Variants in YIPF5 observed in about 807,000 individuals in gnomAD.
The protein encoded by YIPF5 is protein YIPF5.
In YIPF5, 8 loss-of-function variants were observed where a neutral mutation model predicts 30.4. The ratio of observed to expected loss-of-function variants is 0.26; its 90% CI spans 0.15 to 0.47. The LOEUF (loss-of-function observed/expected upper bound fraction) is 0.47, where lower values mean the gene tolerates loss of function less well. Among genes scored for constraint, YIPF5 ranks in the 20% least tolerant of loss-of-function variants. YIPF5 has a pLI of 0.99. For missense variants in YIPF5, 282 were observed against 301.8 expected, an observed-to-expected ratio of 0.93 and a Z score of 0.49; for synonymous variants, 104 against 107.9, an observed-to-expected ratio of 0.96 and a Z score of 0.23.
chr5:144,164,299 G>A (rs755954617), intron 3 of YIPF5, 43 bp from the exon 4 acceptor site: 6 of 1,549,766 alleles, frequency 3.9e-6, no homozygotes, highest in Middle Eastern at 1.7e-4. Context: ...GATTTGTGAT[G>A]TATTTTTAAT....
intron 2 of YIPF5, among the ~76,000 whole-genome samples, chr5:144,166,284 G>A (rs1752201272): frequency 6.6e-6 from 1 of 152,146 alleles, no homozygotes; most frequent in African/African-American, 2.4e-5. Flanking sequence ...CATTTGATAT[G>A]TGCTATAGCA....
intron 5 of YIPF5, among the ~76,000 whole-genome samples, chr5:144,161,400 A>C (rs898166184): frequency 7.2e-6 from 1 of 137,968 alleles, no homozygotes; most frequent in African/African-American, 2.7e-5. Flanking sequence ...TGAAGTATGC[A>C]ACAGGGCGAT....
intron 3 of YIPF5, 94 bp from the exon 4 acceptor site, chr5:144,164,350 G>A (rs1034308740): frequency 1.8e-6 from 2 of 1,138,704 alleles, no homozygotes; most frequent in Admixed American, 2.6e-5. Context: ...AAATGACATA[G>A]CATCAAAAAA....
chr5:144,164,368 G>T, intron 3 of YIPF5, 112 bp from the exon 4 acceptor site: 1 of 900,896 alleles, frequency 1.1e-6, no homozygotes, highest in Non-Finnish European at 1.7e-6. Flanking sequence ...AAAGGATCTA[G>T]CAATATTGGA....
rs4623178 is a variant in YIPF5 at position 144,158,340 on chromosome 5, G to A, written c.*2057C>T. ...CAACAGTTAAGCATAAAATAGCTTT[G>A]CACCTTATTATTTTGGAGCAAAATA... is the stretch of plus-strand genomic sequence containing the variant. On this transcript the variant is annotated 3_prime_UTR_variant, in exon 6 of 6. Coordinates refer to ENST00000274496, the MANE Select transcript of YIPF5 (RefSeq NM_030799.9). 0.034 allele frequency: 31,144 copies of A among 922,648 alleles called. 705 individuals carry two copies. Among genetic ancestry groups the A allele is most frequent in the African/African-American group, 0.1 (5,576 of 55,832 alleles). 57.2% of individuals were successfully genotyped at this position (922,648 alleles called of 1,614,324 possible). A position where few individuals can be genotyped will look rare whatever the true frequency, so the allele number is the denominator to read the frequency against.
At chr5:144,163,971 A>AT in intron 4 of YIPF5, 140 bp downstream of exon 4, 1 of 910,650 alleles carries the variant, frequency 1.1e-6, no homozygotes, top group African/African-American at 1.7e-5. Context: ...ATAGGTATAA[A>AT]TACAAGCAAC....
chr5:144,161,636 G>A (rs993459918), intron 5 of YIPF5, among the ~76,000 whole-genome samples: 10 of 152,100 alleles, frequency 6.6e-5, no homozygotes, highest in African/African-American at 1.4e-4. Context: ...GTGAGCAACC[G>A]TGCCTGGCCA....
intron 2 of YIPF5, among the ~76,000 whole-genome samples, 185 bp from the exon 3 acceptor site, chr5:144,165,789 C>G (rs190279851): frequency 6.6e-6 from 1 of 152,050 alleles, no homozygotes; most frequent in East Asian, 1.9e-4. Flanking sequence ...TTATTATCTA[C>G]AATAAAAAAA....
rs1220292048 is a variant in YIPF5 at position 144,159,009 on chromosome 5, A to C, written c.*1388T>G. 1.0e-6 allele frequency: 1 copy of C among 985,006 alleles called. No individual in the cohort carries two copies. The highest frequency in any genetic ancestry group is 1.7e-5 in the African/African-American group (1 of 57,202). The allele number at this position is 985,006 out of a possible 1,614,324, so 61.0% of individuals were successfully genotyped here. On this transcript the variant is annotated 3_prime_UTR_variant, in exon 6 of 6. Coordinates refer to ENST00000274496, the MANE Select transcript of YIPF5 (RefSeq NM_030799.9). ...CCAGAATCAGAGACAGTTTTTCTAG[A>C]AAAAGCCAATGATCAGTATACAAGA...
intron 4 of YIPF5, among the ~76,000 whole-genome samples, chr5:144,163,352 T>C (rs530840663): frequency 6.6e-5 from 10 of 152,284 alleles, no homozygotes; most frequent in African/African-American, 2.4e-4. Context: ...CATGTAGTAA[T>C]AAAAAAACTC....
chr5:144,165,055 G>C (rs1007573692), intron 3 of YIPF5, among the ~76,000 whole-genome samples: 9 of 151,984 alleles, frequency 5.9e-5, no homozygotes, highest in African/African-American at 2.2e-4. Flanking sequence ...CTAGGTTTTG[G>C]AACACAATTT....
chr5:144,158,464 T>C lies in YIPF5; in HGVS notation c.*1933A>G, dbSNP rs913434171. 5.8e-5 allele frequency: 74 copies of C among 1,273,214 alleles called. No homozygotes were observed. The highest frequency in any genetic ancestry group is 7.2e-5 in the Non-Finnish European group (71 of 983,780). 78.9% of individuals were successfully genotyped at this position (1,273,214 alleles called of 1,614,324 possible). ...AAAAAAGAAAATAATTTGATCCATA[T>C]GTGATATTTGGCTGAAGATTAACAG... On this transcript the variant is annotated 3_prime_UTR_variant, in exon 6 of 6. Transcript: ENST00000274496.
chr5:144,162,195 C>G (rs1027836888), intron 5 of YIPF5, 23 bp downstream of exon 5: 2 of 1,605,476 alleles, frequency 1.2e-6, no homozygotes, highest in African/African-American at 2.7e-5. Context: ...CAATCAACCC[C>G]CAAAATAAAG....
chr5:144,159,375 G>A lies in YIPF5; in HGVS notation c.*1022C>T. The A allele has an allele frequency of 1.0e-6, 1 of 984,716 alleles. No individual in the cohort carries two copies. Among genetic ancestry groups the A allele is most frequent in the Non-Finnish European group, 1.2e-6 (1 of 829,368 alleles). The allele number at this position is 984,716 out of a possible 1,614,324, so 61.0% of individuals were successfully genotyped here. On this transcript the variant is annotated 3_prime_UTR_variant, in exon 6 of 6. Coordinates refer to ENST00000274496, the MANE Select transcript of YIPF5 (RefSeq NM_030799.9). Reference sequence around the variant, plus strand: ...AATATTTTCCTTAAAAAAGGTTAGTGATTTTTTTATTATTTTTGGGAAATG... The same window carrying A: ...AATATTTTCCTTAAAAAAGGTTAGTAATTTTTTTATTATTTTTGGGAAATG...
rs777386815 is a variant in YIPF5 at position 144,159,054 on chromosome 5, TTCTC to T, written c.*1339_*1342del. On this transcript the variant is annotated 3_prime_UTR_variant, in exon 6 of 6. Coordinates refer to ENST00000274496, the MANE Select transcript of YIPF5 (RefSeq NM_030799.9). Reference sequence around the variant, plus strand: ...ACAAGATACAGTATTTTCCTACAGATTCTCTCTGGCAAGAGAACATGACAATATA... The same window carrying T: ...ACAAGATACAGTATTTTCCTACAGATTCTGGCAAGAGAACATGACAATATA... The T allele has an allele frequency of 1.6e-5, 16 of 984,280 alleles. No individual in the cohort carries two copies. The East Asian group carries it at 5.7e-4, about 35-fold the overall frequency. The allele number at this position is 984,280 out of a possible 1,614,324, so 61.0% of individuals were successfully genotyped here.
intron 2 of YIPF5, among the ~76,000 whole-genome samples, chr5:144,167,402 A>C (rs572331202): frequency 1.1e-3 from 168 of 152,326 alleles, no homozygotes; most frequent in African/African-American, 3.9e-3. Flanking sequence ...ACTCTGTACC[A>C]GTAACAAAGA....
At chr5:144,165,407 T>C (rs1580757379) in intron 3 of YIPF5, 25 bp downstream of exon 3, 2 of 1,612,652 alleles carry the variant, frequency 1.2e-6, no homozygotes, top group Non-Finnish European at 1.7e-6. Flanking sequence ...TATTGAGTAC[T>C]ATCAAGTGTT....
rs769195401 is a variant in YIPF5 at position 144,165,467 on chromosome 5, C to T, written c.248G>A (p.Gly83Glu). The T allele has an allele frequency of 2.2e-5, 35 of 1,613,954 alleles. No homozygotes were observed. In the East Asian group the frequency reaches 2.7e-4, roughly 12 times the overall value. ...YTPASPQPFY[G>E]NNFEDEPPLL... ...AGGTGGCTCATCCTCAAAGTTGTTT[C>T]CATAGAAAGGCTGAGGTGAAGCTGG... The change falls in exon 3 of 6, where the codon GGA (glycine) becomes GAA (glutamate). Residue 83 changes from glycine to glutamate, a missense_variant. Transcript: ENST00000274496.
rs578187127 is a variant in YIPF5 at position 144,158,599 on chromosome 5, C to T, written c.*1798G>A. 2.4e-4 allele frequency: 256 copies of T among 1,081,242 alleles called. No individual in the cohort carries two copies. The African/African-American group carries it at 4.0e-3, about 17-fold the overall frequency. 67.0% of individuals were successfully genotyped at this position (1,081,242 alleles called of 1,614,324 possible). ...GACATTTGCCTTAACAAAAACTATACTGAAAAAGACAAATGAATTGAAAAA... is the reference window on the plus strand; with the variant it reads ...GACATTTGCCTTAACAAAAACTATATTGAAAAAGACAAATGAATTGAAAAA... On this transcript the variant is annotated 3_prime_UTR_variant, in exon 6 of 6. Coordinates refer to ENST00000274496, the MANE Select transcript of YIPF5 (RefSeq NM_030799.9).
Sources: gnomAD v4.1 joint callset for allele counts (sites outside exome capture counted in the v4.1 genomes callset) on GRCh38, gnomAD v4.1.1 for gene constraint, MANE v1.5 for transcripts, NCBI Gene and HGNC (gene_info 2026-07-23, HGNC 2026-07-21) for gene names.